Variants in FCSK observed in about 807,000 individuals in gnomAD.
The protein encoded by FCSK is fucose kinase, also known as L-fucose kinase.
Under a neutral mutation model 122.5 loss-of-function variants are expected in FCSK, and 123 were observed. The observed-to-expected ratio is 1.00, with a 90% CI of 0.87 to 1.17. The LOEUF (loss-of-function observed/expected upper bound fraction) is 1.17. FCSK is among the 50% of genes most tolerant of loss of function. The probability of loss-of-function intolerance (pLI) is 0.00; values close to 1 mark genes in which losing one functional copy is unlikely to be tolerated. For missense variants in FCSK, 1,366 were observed against 1,450.4 expected (o/e 0.94, Z 0.95); for synonymous variants, 620 against 625.5 (o/e 0.99, Z 0.13).
chr16:70,461,161 G>A (rs1412832820), intron 1 of FCSK, among the ~76,000 whole-genome samples: 4 of 152,222 alleles, frequency 2.6e-5, no homozygotes, highest in South Asian at 4.1e-4. Context: ...GCCTGGCACT[G>A]GAATAGCCTG....
chr16:70,466,022 G>C (rs991077902), intron 4 of FCSK, 110 bp from the exon 5 acceptor site: 4 of 1,124,434 alleles, frequency 3.6e-6, no homozygotes, highest in Admixed American at 2.3e-5. Flanking sequence ...AAAATATCAA[G>C]AGAACATTTT....
At position 70,473,291 on chromosome 16, in the gene FCSK, C is replaced by A; in HGVS notation, c.1715C>A (p.Pro572Gln). ...LEARQDLSLRPLIWAAVREGC... is the reference protein window; with the variant it reads ...LEARQDLSLRQLIWAAVREGC... The stretch of plus-strand genomic sequence containing the variant: ...GCCCGGCAGGACCTCAGCCTGCGCC[C>A]GCTGATCTGGGCTGCTGTCCGCGAG... Residue 572 changes from proline (P) to glutamine (Q), a missense_variant, in exon 15 of 24, where the codon CCG becomes CAG. Transcript: ENST00000288078. The surrounding 1 kb of genome is among the most constrained non-coding windows in gnomAD (Gnocchi z 4.9). The A allele has an allele frequency of 6.5e-7, 1 of 1,528,614 alleles. No homozygotes were observed. The highest frequency in any genetic ancestry group is 8.8e-7 in the Non-Finnish European group (1 of 1,138,886). The allele number at this position is 1,528,614 out of a possible 1,614,324, so 94.7% of individuals were successfully genotyped here.
rs2048941150 is a variant in FCSK, at chr16:70,479,749, G to T, written c.*69G>T. 2.4e-6 allele frequency: 3 copies of T among 1,262,576 alleles called. No homozygotes were observed. The East Asian group carries it at 7.2e-5, about 30-fold the overall frequency. The allele number at this position is 1,262,576 out of a possible 1,614,324, so 78.2% of individuals were successfully genotyped here. On this transcript the variant is annotated 3_prime_UTR_variant, in exon 24 of 24. Coordinates refer to ENST00000288078, the MANE Select transcript of FCSK (RefSeq NM_145059.3). ...GTCCCCCACCTTCCTTGCCCCATGG[G>T]AACCTCCACCTCCTACTCCCCACCC...
intron 14 of FCSK, 46 bp downstream of exon 14, chr16:70,472,651 G>T (rs944254333): frequency 6.8e-7 from 1 of 1,463,350 alleles, no homozygotes; most frequent in Non-Finnish European, 9.5e-7. Context: ...GGCAGCTGGG[G>T]TGGCTGCTGC....
In FCSK at chr16:70,472,544, CA is replaced by C. The variant is rs766045421; in HGVS notation, c.1346del (p.Gln449ArgfsTer125). The stretch of plus-strand genomic sequence containing the variant: ...ACTGCTTCTTCCTCTCCCCCAGAGA[CA>C]GGGGGCAGGCACATATCTCAACGTG... ...LVGRLDSWER[Q>X]GAGTYLNVPW... is the part of the protein sequence containing the mutation. On this transcript the variant is annotated frameshift_variant, in exon 14 of 24. Transcript: ENST00000288078. LOFTEE classifies it high-confidence loss of function. The C allele has an allele frequency of 5.6e-6, 9 of 1,612,150 alleles. No homozygotes were observed. The highest frequency in any genetic ancestry group is 5.5e-5 in the South Asian group (5 of 90,766).
At chr16:70,472,702 G>T in intron 14 of FCSK, 97 bp downstream of exon 14, 1 of 1,037,782 alleles carries the variant, frequency 9.6e-7, no homozygotes, top group Non-Finnish European at 1.4e-6. Context: ...AGCAGCACGG[G>T]CCGTGTTACC....
At chr16:70,463,098 T>C in intron 1 of FCSK, 71 bp from the exon 2 acceptor site, 1 of 874,492 alleles carries the variant, frequency 1.1e-6, no homozygotes, top group South Asian at 1.6e-5. Context: ...CATAGAATTG[T>C]ATATAAAATT....
rs759683813 is a variant in FCSK, at chr16:70,465,131, C to T, written c.240C>T (p.Val80=). 7 of 1,613,766 alleles carry T rather than the reference C, an allele frequency of 4.3e-6. No individual in the cohort carries two copies. Among genetic ancestry groups the T allele is most frequent in the Non-Finnish European group, 4.2e-6 (5 of 1,179,952 alleles). The change falls in exon 4 of 24, where the codon GTC becomes GTT. Residue 80 remains valine, a synonymous_variant. Coordinates refer to ENST00000288078, the MANE Select transcript of FCSK (RefSeq NM_145059.3). ...HLSARAGFTV[V]TSDVLHSAWI... ...GGGCTTTCCCACTCCTGCAGGTGGTCACATCCGATGTCCTGCACTCGGCCT... is the reference window on the plus strand; with the variant it reads ...GGGCTTTCCCACTCCTGCAGGTGGTTACATCCGATGTCCTGCACTCGGCCT...
chr16:70,475,917 C>A, intron 20 of FCSK, 150 bp downstream of exon 20: 2 of 821,508 alleles, frequency 2.4e-6, no homozygotes, highest in Non-Finnish European at 3.5e-6. Context: ...GTCACTTTGA[C>A]CTTCTCTGGT....
At position 70,468,859 on chromosome 16, in the gene FCSK, T is replaced by C; in HGVS notation, c.674T>C (p.Val225Ala). The C allele has an allele frequency of 6.2e-7, 1 of 1,613,962 alleles. No individual in the cohort carries two copies. The highest frequency in any genetic ancestry group is 8.5e-7 in the Non-Finnish European group (1 of 1,179,978). Reference protein sequence around the residue: ...PDGRVPLVSGVVFFSVETAER... With the variant: ...PDGRVPLVSGAVFFSVETAER... ...TGGGGTCCCTTCCAGGTCTCTGGGG[T>C]TGTCTTCTTCTCTGTGGAGACTGCC... Residue 225 changes from valine to alanine, a missense_variant, in exon 9 of 24, where the codon GTT (valine) becomes GCT (alanine). By Grantham distance (64) the Val-to-Ala change is moderately conservative (BLOSUM62 0). Coordinates refer to ENST00000288078, the MANE Select transcript of FCSK (RefSeq NM_145059.3).
intron 1 of FCSK, among the ~76,000 whole-genome samples, chr16:70,459,789 C>A (rs17880346): frequency 2.4e-4 from 36 of 149,522 alleles, no homozygotes; most frequent in African/African-American, 8.4e-4. Flanking sequence ...GCCACCACAC[C>A]CAGCAGTTTC....
chr16:70,475,924 T>C, intron 20 of FCSK, 157 bp downstream of exon 20: 1 of 768,988 alleles, frequency 1.3e-6, no homozygotes, highest in Non-Finnish European at 1.9e-6. Flanking sequence ...TGACCTTCTC[T>C]GGTCGTTTTC....
chr16:70,465,205 C>T (rs2048380797), intron 4 of FCSK, 29 bp downstream of exon 4: 4 of 1,585,044 alleles, frequency 2.5e-6, no homozygotes, highest in Non-Finnish European at 3.4e-6. Context: ...AGGGGCCAAG[C>T]AGAAGGCCAG....
chr16:70,463,143 C>A, intron 1 of FCSK, 26 bp from the exon 2 acceptor site: 3 of 1,301,210 alleles, frequency 2.3e-6, no homozygotes, highest in South Asian at 2.5e-5. Context: ...AAAAAATAGT[C>A]ACATCTACCC....
In FCSK at chr16:70,473,670, G is replaced by A. The variant is rs765511601; in HGVS notation, c.1777+317G>A. Among the ~76,000 whole-genome samples, 5 of 152,144 alleles carry A rather than the reference G, an allele frequency of 3.3e-5. No individual in the cohort carries two copies. The highest frequency in any genetic ancestry group is 6.5e-5 in the Admixed American group (1 of 15,276). ...CCAGGATGTGGGTGCAGAGCGTGGC[G>A]AGGGGACAGAGCCCCCAGGGGACAT... On this transcript the variant is annotated intron_variant, in intron 15 of 23. Coordinates refer to ENST00000288078, the MANE Select transcript of FCSK (RefSeq NM_145059.3). The surrounding 1 kb of genome is among the most constrained non-coding windows in gnomAD (Gnocchi z 4.9).
chr16:70,474,252 G>C lies in FCSK; in HGVS notation c.1901G>C (p.Trp634Ser). The change falls in exon 16 of 24, where the codon TGG becomes TCG. Residue 634 changes from tryptophan to serine, a missense_variant. Trp to Ser is a radical substitution (Grantham distance 177). Coordinates refer to ENST00000288078, the MANE Select transcript of FCSK (RefSeq NM_145059.3). ...LRSGPAANPEWMRPFSYLECG... is the reference protein window; with the variant it reads ...LRSGPAANPESMRPFSYLECG... ...AGCGGGCCAGCTGCCAACCCTGAGTGGATGCGGCCCTTCTCATACCTGGAG... is the reference window on the plus strand; with the variant it reads ...AGCGGGCCAGCTGCCAACCCTGAGTCGATGCGGCCCTTCTCATACCTGGAG... 6.2e-7 allele frequency: 1 copy of C among 1,612,124 alleles called. No homozygotes were observed. The highest frequency in any genetic ancestry group is 8.5e-7 in the Non-Finnish European group (1 of 1,179,546).
chr16:70,478,122 A>G (rs576301402), intron 20 of FCSK, 150 bp from the exon 21 acceptor site: 2 of 692,622 alleles, frequency 2.9e-6, no homozygotes, highest in Non-Finnish European at 4.8e-6. Flanking sequence ...TGTTCTGGGG[A>G]CAGAAGCTGC....
Position 70,466,916 on chromosome 16 carries a change from GCAGCA to G in FCSK, c.448_452del (p.Ser150ArgfsTer41). ...GGCTCCCCGCCAGGCGTGTGGGTCT[GCAGCA>G]CCGACATGCTGCTGTCTGTTCCTGC... On this transcript the variant is annotated frameshift_variant, in exon 6 of 24. Coordinates refer to ENST00000288078, the MANE Select transcript of FCSK (RefSeq NM_145059.3). LOFTEE classifies it high-confidence loss of function. 6.2e-7 allele frequency: 1 copy of G among 1,613,956 alleles called. No individual in the cohort carries two copies. The highest frequency in any genetic ancestry group is 8.5e-7 in the Non-Finnish European group (1 of 1,180,034).
intron 21 of FCSK, 32 bp downstream of exon 21, chr16:70,478,491 G>GC: frequency 6.2e-7 from 1 of 1,613,530 alleles, no homozygotes; most frequent in Non-Finnish European, 8.5e-7. Flanking sequence ...AGGGAGGCAG[G>GC]CAGGGGGCCT....
Sources: gnomAD v4.1 joint callset for allele counts (sites outside exome capture counted in the v4.1 genomes callset) on GRCh38, gnomAD v4.1.1 for gene constraint, Gnocchi (gnomAD v3.1) non-coding constraint, MANE v1.5 for transcripts, NCBI Gene and HGNC (gene_info 2026-07-23, HGNC 2026-07-21) for gene names.